USP25: variants seen among roughly 807,000 people sequenced by gnomAD.
USP25 encodes the protein ubiquitin specific peptidase 25, also known as ubiquitin carboxyl-terminal hydrolase 25.
Under a neutral mutation model 158.5 loss-of-function variants are expected in USP25, and 85 were observed. The ratio of observed to expected loss-of-function variants is 0.54; its 90% CI spans 0.45 to 0.64. The LOEUF is 0.64. Ranked by LOEUF, USP25 falls within the 30% of genes least tolerant of loss-of-function variation. USP25 has a pLI of 0.00. For missense variants in USP25, 1,242 were observed against 1,327.3 expected (o/e 0.94, Z 1.00); for synonymous variants, 464 against 460.4 (o/e 1.01, Z -0.10).
At chr21:15,830,007 T>C (rs2037719267) in intron 14 of USP25, among the ~76,000 whole-genome samples, 1 of 152,156 alleles carries the variant, frequency 6.6e-6, no homozygotes, top group Admixed American at 6.5e-5. Flanking sequence ...TTTTTAAAAA[T>C]TATTGTGGAC....
At chr21:15,764,732 G>C (rs1157879610) in intron 2 of USP25, among the ~76,000 whole-genome samples, 2 of 152,022 alleles carry the variant, frequency 1.3e-5, no homozygotes, top group Admixed American at 1.3e-4. Context: ...TTTATTGTTA[G>C]ATTACTTATT....
chr21:15,859,967 A>ATGTGTG (rs563034526), intron 20 of USP25, among the ~76,000 whole-genome samples: 98 of 142,114 alleles, frequency 6.9e-4, no homozygotes, highest in African/African-American at 2.6e-3. Flanking sequence ...GGATATATAT[A>ATGTGTG]TGTATATATA....
intron 20 of USP25, among the ~76,000 whole-genome samples, chr21:15,859,987 CTA>C (rs1196524317): frequency 3.3e-4 from 44 of 132,064 alleles, no homozygotes; most frequent in African/African-American, 1.3e-3. Context: ...ATATATATAT[CTA>C]TATTTTTTTT....
rs961281432 is a variant in USP25, at chr21:15,766,402, T to G, written c.268+261T>G. On this transcript the variant is annotated intron_variant, in intron 3 of 25. Transcript: ENST00000400183. This position sits in a 1 kb window ranked among gnomAD's most constrained non-coding sequence, Gnocchi z 4.0. ...TTGAAATATGGAATAGCTGCAGATATATTCATAAAAGGAAGAACTAGAATT... is the reference window on the plus strand; with the variant it reads ...TTGAAATATGGAATAGCTGCAGATAGATTCATAAAAGGAAGAACTAGAATT... Among the ~76,000 whole-genome samples the G allele has an allele frequency of 7.2e-5, 11 of 152,116 alleles. No homozygotes were observed. The highest frequency in any genetic ancestry group is 1.5e-4 in the Non-Finnish European group (10 of 67,986).
chr21:15,871,030 A>G (rs1314479276), intron 23 of USP25, among the ~76,000 whole-genome samples: 2 of 152,192 alleles, frequency 1.3e-5, no homozygotes, highest in African/African-American at 4.8e-5. Context: ...AGTGGCCTCT[A>G]TTTTTAGCCA....
chr21:15,745,782 A>G (rs980868450), intron 1 of USP25, among the ~76,000 whole-genome samples: 2 of 152,078 alleles, frequency 1.3e-5, no homozygotes, highest in African/African-American at 4.8e-5. Flanking sequence ...GGCTGCTTTA[A>G]CCATTTTCTT....
intron 1 of USP25, among the ~76,000 whole-genome samples, chr21:15,744,704 C>G (rs1364867922): frequency 6.6e-6 from 1 of 151,800 alleles, no homozygotes; most frequent in Middle Eastern, 3.2e-3. Context: ...TTCTCCTGCC[C>G]CAACCTCCTG....
At chr21:15,773,719 C>G (rs962571466) in intron 3 of USP25, among the ~76,000 whole-genome samples, 1 of 152,112 alleles carries the variant, frequency 6.6e-6, no homozygotes, top group Non-Finnish European at 1.5e-5. Flanking sequence ...TTGAGAACCT[C>G]AGAGCTTTTG....
intron 21 of USP25, among the ~76,000 whole-genome samples, chr21:15,865,329 CT>C (rs1049248863): frequency 2.0e-5 from 3 of 152,020 alleles, no homozygotes; most frequent in Non-Finnish European, 2.9e-5. Flanking sequence ...AATGATCATC[CT>C]TTTATGAGTG....
chr21:15,793,777 A>C (rs1272258418), intron 5 of USP25, among the ~76,000 whole-genome samples: 1 of 151,672 alleles, frequency 6.6e-6, no homozygotes, highest in East Asian at 1.9e-4. Context: ...ATTTGGCTAG[A>C]GATCACCTGA....
At chr21:15,815,130 G>T (rs756063362) in intron 9 of USP25, among the ~76,000 whole-genome samples, 23 of 152,106 alleles carry the variant, frequency 1.5e-4, no homozygotes, top group Non-Finnish European at 2.4e-4. Flanking sequence ...GAGGGTGCAA[G>T]CCCCAAACCT....
intron 15 of USP25, among the ~76,000 whole-genome samples, chr21:15,830,971 G>A (rs1239965190): frequency 6.6e-6 from 1 of 151,984 alleles, no homozygotes; most frequent in African/African-American, 2.4e-5. Context: ...TTAAGATTTG[G>A]GAAGAAACTT....
chr21:15,757,609 C>T (rs540771358), intron 1 of USP25, among the ~76,000 whole-genome samples: 6 of 152,304 alleles, frequency 3.9e-5, no homozygotes, highest in African/African-American at 1.4e-4. Flanking sequence ...TGCTGGTTGG[C>T]TGGGTTGACT....
chr21:15,878,219 G>A, intron 25 of USP25, 84 bp from the exon 26 acceptor site: 1 of 1,512,780 alleles, frequency 6.6e-7, no homozygotes, highest in Non-Finnish European at 8.9e-7. Context: ...ACCTATTAGA[G>A]TAAGTTAATA....
chr21:15,778,806 T>C (rs1478823357), intron 4 of USP25, among the ~76,000 whole-genome samples: 1 of 152,148 alleles, frequency 6.6e-6, no homozygotes, highest in Non-Finnish European at 1.5e-5. Flanking sequence ...AAGGCAGTGG[T>C]AACTCTATGT....
chr21:15,807,306 AAGAT>A (rs928251935), intron 7 of USP25, among the ~76,000 whole-genome samples: 2 of 152,178 alleles, frequency 1.3e-5, no homozygotes, highest in Non-Finnish European at 2.9e-5. Context: ...ATTTCTAAGA[AAGAT>A]AGGGATTAAC....
At chr21:15,847,620 T>C in intron 18 of USP25, 43 bp from the exon 19 acceptor site, 1 of 1,365,166 alleles carries the variant, frequency 7.3e-7, no homozygotes, top group African/African-American at 1.4e-5. Context: ...TGTTCTCCAC[T>C]GTTCTCTTTT....
intron 23 of USP25, among the ~76,000 whole-genome samples, chr21:15,873,501 A>G (rs2039974975): frequency 6.6e-6 from 1 of 151,298 alleles, no homozygotes; most frequent in Non-Finnish European, 1.5e-5. Flanking sequence ...GCCTAATTCT[A>G]TCACTTCTTT....
At chr21:15,860,796 A>G (rs1207326716) in intron 20 of USP25, among the ~76,000 whole-genome samples, 4 of 152,072 alleles carry the variant, frequency 2.6e-5, no homozygotes, top group African/African-American at 9.7e-5. Flanking sequence ...TTAGAAGATT[A>G]TGTGCCTTAT....
Sources: gnomAD v4.1 joint callset for allele counts (sites outside exome capture counted in the v4.1 genomes callset) on GRCh38, gnomAD v4.1.1 for gene constraint, Gnocchi (gnomAD v3.1) non-coding constraint, MANE v1.5 for transcripts, NCBI Gene and HGNC (gene_info 2026-07-23, HGNC 2026-07-21) for gene names.